EYS: variants seen among roughly 807,000 people sequenced by gnomAD.
The protein encoded by EYS is EGF-like photoreceptor maintenance factor.
In EYS, 250 loss-of-function variants were observed where a neutral mutation model predicts 282.1. The ratio of observed to expected loss-of-function variants is 0.89; its 90% CI spans 0.80 to 0.98. The LOEUF is 0.98. EYS is among the 50% of genes least tolerant of loss of function. The pLI is 0.00. For missense variants in EYS, 4,016 were observed against 3,709.0 expected (o/e 1.08, Z -2.15); for synonymous variants, 1,355 against 1,282.9 (o/e 1.06, Z -1.20).
In EYS at chr6:63,802,691, TA is replaced by T. The variant is rs373104457; in HGVS notation, c.7411+3498del. On this transcript the variant is annotated intron_variant, in intron 37 of 42. Coordinates refer to ENST00000503581, the MANE Select transcript of EYS (RefSeq NM_001142800.2). ...TCAATATACATGATTCAATATATTG[TA>T]TATTGAAACATCACGTTATACCCCA... 6.6e-5 allele frequency among the ~76,000 whole-genome samples: 10 copies of T among 152,264 alleles called. No homozygotes were observed. In the East Asian group the frequency reaches 1.2e-3, roughly 18 times the overall value.
intron 12 of EYS, among the ~76,000 whole-genome samples, chr6:65,157,719 A>C (rs1368889342): frequency 6.6e-6 from 1 of 150,922 alleles, no homozygotes; most frequent in South Asian, 2.1e-4. Context: ...AATATCTGAA[A>C]GTTTTCTTTA....
intron 24 of EYS, 71 bp from the exon 25 acceptor site, chr6:64,593,380 T>A: frequency 8.0e-7 from 1 of 1,249,894 alleles, no homozygotes; most frequent in African/African-American, 1.5e-5. Context: ...GTAAAGTTTG[T>A]TTTGAGATCC....
At chr6:65,352,033 G>T (rs1013009975) in intron 9 of EYS, among the ~76,000 whole-genome samples, 1 of 151,814 alleles carries the variant, frequency 6.6e-6, no homozygotes, top group African/African-American at 2.4e-5. Flanking sequence ...GTCTCTGAAA[G>T]TTCCTTTTAG....
chr6:64,579,503 A>T (rs1488086138), intron 26 of EYS, among the ~76,000 whole-genome samples: 1 of 152,040 alleles, frequency 6.6e-6, no homozygotes, highest in East Asian at 1.9e-4. Flanking sequence ...AGTTACTATT[A>T]TAATTATCCT....
At chr6:64,296,598 ATTT>A (rs1173183488) in intron 30 of EYS, among the ~76,000 whole-genome samples, 3 of 20,124 alleles carry the variant, frequency 1.5e-4, no homozygotes, top group African/African-American at 3.2e-4. Flanking sequence ...ATATATATAT[ATTT>A]TTTTTTTTTT....
At chr6:63,877,557 G>C (rs932898794) in intron 35 of EYS, among the ~76,000 whole-genome samples, 1 of 152,152 alleles carries the variant, frequency 6.6e-6, no homozygotes. Flanking sequence ...ATAATATCCT[G>C]AGAGTGTTTT....
chr6:64,498,721 G>T (rs1776958064), intron 26 of EYS, among the ~76,000 whole-genome samples: 1 of 151,994 alleles, frequency 6.6e-6, no homozygotes, highest in Non-Finnish European at 1.5e-5. Context: ...AGAATATGTG[G>T]TGTTTGGTTC....
chr6:63,785,194 A>G, intron 39 of EYS, among the ~76,000 whole-genome samples: 1 of 152,204 alleles, frequency 6.6e-6, no homozygotes, highest in East Asian at 1.9e-4. Flanking sequence ...ATTTGTGGTG[A>G]AGATGAGATG....
At chr6:65,172,864 G>A (rs1363687987) in intron 12 of EYS, among the ~76,000 whole-genome samples, 1 of 150,874 alleles carries the variant, frequency 6.6e-6, no homozygotes, top group Non-Finnish European at 1.5e-5. Flanking sequence ...TTAAAACATA[G>A]AAGACATAGT....
chr6:65,127,228 A>T (rs901535058), intron 12 of EYS, among the ~76,000 whole-genome samples: 2 of 152,110 alleles, frequency 1.3e-5, no homozygotes, highest in Non-Finnish European at 2.9e-5. Context: ...TAAATAAACG[A>T]ACAGATTTTT....
chr6:64,081,050 G>C (rs1167119648), intron 32 of EYS, among the ~76,000 whole-genome samples: 1 of 151,778 alleles, frequency 6.6e-6, no homozygotes, highest in Non-Finnish European at 1.5e-5. Context: ...GCTCTTTTTT[G>C]GTTCCATATG....
At chr6:65,166,783 A>G (rs1764983561) in intron 12 of EYS, among the ~76,000 whole-genome samples, 1 of 151,208 alleles carries the variant, frequency 6.6e-6, no homozygotes, top group South Asian at 2.1e-4. Context: ...ATATTTCCAA[A>G]TTATATCTTA....
chr6:64,783,335 A>G (rs1336606133), intron 22 of EYS, among the ~76,000 whole-genome samples: 1 of 151,290 alleles, frequency 6.6e-6, no homozygotes, highest in Non-Finnish European at 1.5e-5. Context: ...TATCCTATAT[A>G]CATATATCCT....
At chr6:65,331,226 T>TCTTCCCAAA in intron 11 of EYS, 1 of 704,466 alleles carries the variant, frequency 1.4e-6, no homozygotes, top group Non-Finnish European at 1.7e-6. Flanking sequence ...GTGAATTAAT[T>TCTTCCCAAA]TGGGAAGAAT....
At chr6:64,247,592 G>A (rs1767060188) in intron 30 of EYS, among the ~76,000 whole-genome samples, 1 of 152,060 alleles carries the variant, frequency 6.6e-6, no homozygotes, top group Admixed American at 6.6e-5. Context: ...ATTATAAGGT[G>A]ACCAGTAAAA....
At chr6:65,548,912 A>G (rs550703996) in intron 2 of EYS, among the ~76,000 whole-genome samples, 4 of 152,240 alleles carry the variant, frequency 2.6e-5, no homozygotes, top group East Asian at 1.9e-4. Flanking sequence ...GGCACCTGGG[A>G]CCAGTTTCCT....
At chr6:64,573,663 C>A (rs796976404) in intron 26 of EYS, among the ~76,000 whole-genome samples, 7 of 150,090 alleles carry the variant, frequency 4.7e-5, no homozygotes, top group African/African-American at 1.7e-4. Context: ...AGGCAACAAA[C>A]ATATGAAAAA....
chr6:64,964,114 A>C (rs1188980877), intron 14 of EYS, among the ~76,000 whole-genome samples: 1 of 151,952 alleles, frequency 6.6e-6, no homozygotes. Flanking sequence ...ATTTTTAATA[A>C]ACACACACTT....
intron 36 of EYS, among the ~76,000 whole-genome samples, chr6:63,834,456 T>G (rs1328479913): frequency 6.6e-6 from 1 of 152,100 alleles, no homozygotes; most frequent in Non-Finnish European, 1.5e-5. Context: ...GAAAAAATGC[T>G]CATCATCACT....
Sources: gnomAD v4.1 joint callset for allele counts (sites outside exome capture counted in the v4.1 genomes callset) on GRCh38, gnomAD v4.1.1 for gene constraint, MANE v1.5 for transcripts, NCBI Gene and HGNC (gene_info 2026-07-23, HGNC 2026-07-21) for gene names.